The following HHAT variants were observed in gnomAD, a reference collection of about 807,000 sequenced individuals.
HHAT encodes the protein hedgehog acyltransferase, also known as protein-cysteine N-palmitoyltransferase HHAT.
A neutral mutation model predicts 70.8 loss-of-function variants in HHAT; 47 were observed. The ratio of observed to expected loss-of-function variants is 0.66; its 90% CI spans 0.53 to 0.85. HHAT has a LOEUF of 0.85. Among genes scored for constraint, HHAT ranks in the 40% least tolerant of loss-of-function variants. The pLI, the probability that HHAT is intolerant of heterozygous loss-of-function variation, is 0.00. For synonymous variants in HHAT, 228 were observed against 247.6 expected (o/e 0.92, Z 0.74); for missense variants, 609 against 604.8 (o/e 1.01, Z -0.07).
At chr1:210,545,216 T>C (rs1379594354) in intron 9 of HHAT, among the ~76,000 whole-genome samples, 8 of 152,134 alleles carry the variant, frequency 5.3e-5, no homozygotes, top group Non-Finnish European at 2.9e-5. Flanking sequence ...GCCTCTTCTC[T>C]TACCTCTCGT....
chr1:210,374,395 A>G (rs1046257684), intron 3 of HHAT: 1 of 152,250 alleles, frequency 6.6e-6, no homozygotes, highest in Non-Finnish European at 1.5e-5. Context: ...TAATCTTCCC[A>G]TAGTTAGAAA....
chr1:210,587,011 T>A (rs1660600948), intron 9 of HHAT, among the ~76,000 whole-genome samples: 3 of 152,218 alleles, frequency 2.0e-5, no homozygotes, highest in Admixed American at 2.0e-4. Context: ...CTGGGCAACC[T>A]GCCTAGAAAG....
At chr1:210,452,759 A>G (rs1158183219) in intron 7 of HHAT, among the ~76,000 whole-genome samples, 1 of 151,396 alleles carries the variant, frequency 6.6e-6, no homozygotes, top group African/African-American at 2.4e-5. Flanking sequence ...GTGCTTCTCT[A>G]TGGTAAATCC....
intron 8 of HHAT, among the ~76,000 whole-genome samples, chr1:210,474,294 A>T (rs2094262255): frequency 1.3e-5 from 2 of 152,026 alleles, no homozygotes; most frequent in African/African-American, 4.8e-5. Context: ...GATAAATAAT[A>T]ATTATTTATT....
intron 2 of HHAT, among the ~76,000 whole-genome samples, chr1:210,353,442 T>G (rs1032635248): frequency 1.6e-5 from 2 of 123,344 alleles, no homozygotes; most frequent in Middle Eastern, 4.2e-3. Context: ...CTGTTTTTTT[T>G]TTTTTTTTTT....
At chr1:210,527,646 C>T (rs961891763) in intron 9 of HHAT, among the ~76,000 whole-genome samples, 14 of 152,200 alleles carry the variant, frequency 9.2e-5, no homozygotes, top group Middle Eastern at 3.4e-3. Context: ...TAAGGTTTGG[C>T]GATTCACAAG....
rs34145775 is a variant in HHAT, at chr1:210,374,763, C to CT, written c.159+11861dup. On this transcript the variant is annotated intron_variant, in intron 3 of 11. Transcript: ENST00000261458. Reference sequence around the variant, plus strand: ...CTACCGAGCTTCCCCAGTGGGGAATCTTTTTTTTTTTTTTTTTAATCCCTT... The same window carrying CT: ...CTACCGAGCTTCCCCAGTGGGGAATCTTTTTTTTTTTTTTTTTTAATCCCTT... Among the ~76,000 whole-genome samples, 288 of 140,428 alleles carry CT rather than the reference C, an allele frequency of 2.1e-3. 2 individuals carry two copies. The highest frequency in any genetic ancestry group is 9.2e-3 in the South Asian group (39 of 4,218). The allele number at this position is 140,428 out of a possible 152,430, so 92.1% of individuals were successfully genotyped here.
At chr1:210,460,953 T>C (rs1035490694) in intron 7 of HHAT, among the ~76,000 whole-genome samples, 2 of 152,218 alleles carry the variant, frequency 1.3e-5, no homozygotes, top group African/African-American at 4.8e-5. Context: ...GTGTAATACA[T>C]GAACTCATAT....
intron 11 of HHAT, among the ~76,000 whole-genome samples, chr1:210,671,007 T>A (rs1030014456): frequency 6.6e-6 from 1 of 152,188 alleles, no homozygotes; most frequent in African/African-American, 2.4e-5. Flanking sequence ...AACCTAGCTA[T>A]GGCCCGTGCT....
chr1:210,572,963 C>T (rs781535049), intron 9 of HHAT, among the ~76,000 whole-genome samples: 43 of 152,276 alleles, frequency 2.8e-4, no homozygotes, highest in South Asian at 6.2e-4. Flanking sequence ...CCAGAGTTAA[C>T]TTCATGGCAG....
chr1:210,551,623 T>C (rs2095528551), intron 9 of HHAT, among the ~76,000 whole-genome samples: 1 of 152,230 alleles, frequency 6.6e-6, no homozygotes, highest in Non-Finnish European at 1.5e-5. Context: ...CTCAGTTATA[T>C]GAAATTTATT....
intron 5 of HHAT, among the ~76,000 whole-genome samples, chr1:210,402,413 C>T (rs2092122644): frequency 6.6e-6 from 1 of 152,206 alleles, no homozygotes; most frequent in Non-Finnish European, 1.5e-5. Context: ...ATCTGCTTAC[C>T]TTTCCCTTTA....
intron 3 of HHAT, chr1:210,374,095 T>TAAGCCTA (rs1008567503): frequency 2.6e-5 from 4 of 151,946 alleles, no homozygotes; most frequent in African/African-American, 9.7e-5. Flanking sequence ...ATGAATCACT[T>TAAGCCTA]AAGCCTAAAG....
chr1:210,381,280 TTTTTAC>T (rs1003463773), intron 3 of HHAT, among the ~76,000 whole-genome samples: 28 of 151,860 alleles, frequency 1.8e-4, no homozygotes, highest in African/African-American at 6.0e-4. Flanking sequence ...TTAAAAAAAT[TTTTTAC>T]TTTTATTTTT....
At chr1:210,386,222 C>CTTTTTTCTTTTT (rs1558409107) in intron 3 of HHAT, among the ~76,000 whole-genome samples, 6 of 69,888 alleles carry the variant, frequency 8.6e-5, no homozygotes, top group African/African-American at 3.2e-4. Flanking sequence ...GAGTCCTTTT[C>CTTTTTTCTTTTT]TTTTTTTCTT....
intron 10 of HHAT, among the ~76,000 whole-genome samples, chr1:210,610,269 T>C (rs1666315733): frequency 1.3e-5 from 2 of 152,194 alleles, no homozygotes; most frequent in Admixed American, 6.5e-5. Flanking sequence ...TCTCTAATGA[T>C]CAGTGATGTT....
intron 9 of HHAT, among the ~76,000 whole-genome samples, chr1:210,566,034 GTAGAAATGCACT>G (rs1654653415): frequency 6.6e-6 from 1 of 152,128 alleles, no homozygotes; most frequent in Non-Finnish European, 1.5e-5. Context: ...CCAGATTTGA[GTAGAAATGCACT>G]GAACTTTTTT....
At chr1:210,465,926 C>T (rs1314348968) in intron 8 of HHAT, among the ~76,000 whole-genome samples, 2 of 132,086 alleles carry the variant, frequency 1.5e-5, no homozygotes, top group African/African-American at 5.7e-5. Context: ...GAATGAATTG[C>T]AAGGAATTGC....
At chr1:210,368,792 T>A (rs1435531055) in intron 3 of HHAT, among the ~76,000 whole-genome samples, 1 of 151,884 alleles carries the variant, frequency 6.6e-6, no homozygotes, top group Non-Finnish European at 1.5e-5. Context: ...AATTACTGAT[T>A]CTTGGTCGGG....
Sources: allele counts gnomAD v4.1 joint callset (sites outside exome capture counted in the v4.1 genomes callset), GRCh38; gene constraint gnomAD v4.1.1; transcripts MANE v1.5; gene names NCBI Gene and HGNC (gene_info 2026-07-23, HGNC 2026-07-21).